The following LRRC56 variants were observed in gnomAD, a reference collection of about 807,000 sequenced individuals.
LRRC56 encodes the protein leucine-rich repeat-containing protein 56.
In LRRC56, 41 loss-of-function variants were observed where a neutral mutation model predicts 47.8. The ratio of observed to expected loss-of-function variants is 0.86; its 90% CI spans 0.67 to 1.11. The LOEUF (loss-of-function observed/expected upper bound fraction) is 1.11, where lower values mean the gene tolerates loss of function less well. LRRC56 is among the 50% of genes most tolerant of loss of function. The pLI, the probability that LRRC56 is intolerant of heterozygous loss-of-function variation, is 0.00. For synonymous variants in LRRC56, 387 were observed against 311.2 expected, an observed-to-expected ratio of 1.24 and a Z score of -2.56; for missense variants, 759 against 704.2, an observed-to-expected ratio of 1.08 and a Z score of -0.88.
chr11:507,921 A>C, the LRRC56 span, among the ~76,000 whole-genome samples: 7 of 151,878 alleles, frequency 4.6e-5, no homozygotes, highest in Non-Finnish European at 8.8e-5. Flanking sequence ...TCCTGCGTCC[A>C]CTCTGCTGCC....
chr11:511,031 G>A, the LRRC56 span, among the ~76,000 whole-genome samples: 13 of 151,930 alleles, frequency 8.6e-5, no homozygotes, highest in African/African-American at 3.1e-4. Context: ...CGTGAAATGG[G>A]AAAACACTGG....
intron 3 of LRRC56, among the ~76,000 whole-genome samples, chr11:539,963 C>T (rs1006679746): frequency 2.0e-5 from 3 of 152,200 alleles, no homozygotes; most frequent in East Asian, 3.9e-4. Context: ...TCTTCCTCCT[C>T]GCCAGCTGGG....
intron 5 of LRRC56, among the ~76,000 whole-genome samples, chr11:543,955 A>G (rs1232169586): frequency 6.6e-6 from 1 of 151,990 alleles, no homozygotes; most frequent in Non-Finnish European, 1.5e-5. Flanking sequence ...TCACCGTGTT[A>G]ACCAGGATGG....
At chr11:550,419 C>A in intron 8 of LRRC56, 147 bp downstream of exon 8, 1 of 782,172 alleles carries the variant, frequency 1.3e-6, no homozygotes, top group Non-Finnish European at 2.0e-6. Flanking sequence ...TCCTCTGTCA[C>A]TGGAAGTCTG....
At chr11:533,274 T>TA, upstream of LRRC56, 1 of 1,583,654 alleles carries the variant, frequency 6.3e-7, no homozygotes, top group Non-Finnish European at 8.5e-7. Flanking sequence ...CCGGGAGACT[T>TA]ACAGCGCGAG....
In LRRC56 at chr11:537,566, G is replaced by A. The variant is rs1057292437; in HGVS notation, c.-461G>A. ...CGCCTGGAGGTGGAGGGCGCCCAGG[G>A]CCGAGCTGCCAGGGCCGGACACCTA... On this transcript the variant is annotated 5_prime_UTR_variant, in exon 1 of 14. Transcript: ENST00000270115. 1 of 152,344 alleles carries A rather than the reference G, an allele frequency of 6.6e-6. No individual in the cohort carries two copies. Among genetic ancestry groups the A allele is most frequent in the African/African-American group, 2.4e-5 (1 of 41,476 alleles). The allele number at this position is 152,344 out of a possible 1,614,324, so 9.4% of individuals were successfully genotyped here.
chr11:535,205 G>T (rs1198945750), upstream of LRRC56: 2 of 150,742 alleles, frequency 1.3e-5, no homozygotes, highest in African/African-American at 4.9e-5. Context: ...ATTCCCGCAG[G>T]CCCCAGGGAG....
At chr11:547,057 CAA>C (rs1191324995) in intron 6 of LRRC56, among the ~76,000 whole-genome samples, 2 of 142,154 alleles carry the variant, frequency 1.4e-5, no homozygotes, top group Admixed American at 7.0e-5. Flanking sequence ...AACTCCATCT[CAA>C]AAAAAAAAAA....
intron 13 of LRRC56, among the ~76,000 whole-genome samples, 192 bp from the exon 14 acceptor site, chr11:553,771 G>A (rs1852577595): frequency 6.6e-6 from 1 of 152,164 alleles, no homozygotes; most frequent in Non-Finnish European, 1.5e-5. Flanking sequence ...CCAGAGGTGG[G>A]CCCGCCCATG....
At chr11:540,912 A>G (rs1851764618) in intron 4 of LRRC56, 51 bp downstream of exon 4, 2 of 1,398,818 alleles carry the variant, frequency 1.4e-6, no homozygotes, top group South Asian at 2.7e-5. Flanking sequence ...GTGGGGTGAC[A>G]TCCCAGGGCT....
rs1852664494 is a variant in LRRC56, at chr11:554,671, A to G, written c.*395A>G. On this transcript the variant is annotated 3_prime_UTR_variant, in exon 14 of 14. Coordinates refer to ENST00000270115, the MANE Select transcript of LRRC56 (RefSeq NM_198075.4). ...CCACTCCCTTGCCGGCCCCAGGGTA[A>G]GAGCCACCTCCTAGGCCGCAGTGGC... 4.9e-6 allele frequency: 2 copies of G among 407,944 alleles called. No individual in the cohort carries two copies. The highest frequency in any genetic ancestry group is 7.8e-5 in the South Asian group (2 of 25,718). 25.3% of individuals were successfully genotyped at this position (407,944 alleles called of 1,614,324 possible).
chr11:519,067 C>T, the LRRC56 span, among the ~76,000 whole-genome samples: 1 of 152,204 alleles, frequency 6.6e-6, no homozygotes, highest in Non-Finnish European at 1.5e-5. Context: ...GCTGTGCAAA[C>T]CGGTCCTTCC....
chr11:554,363 G>A lies in LRRC56; in HGVS notation c.*87G>A, dbSNP rs1852638429. On this transcript the variant is annotated 3_prime_UTR_variant, in exon 14 of 14. Transcript: ENST00000270115. ...CAGAGCACAGAATACCTGGGCGGGTGTGTTGGGGGGTGGAAGGAGTGCCTG... is the reference window on the plus strand; with the variant it reads ...CAGAGCACAGAATACCTGGGCGGGTATGTTGGGGGGTGGAAGGAGTGCCTG... 2 of 1,208,990 alleles carry A rather than the reference G, an allele frequency of 1.7e-6. No homozygotes were observed. Among genetic ancestry groups the A allele is most frequent in the South Asian group, 2.0e-5 (1 of 51,018 alleles). The allele number at this position is 1,208,990 out of a possible 1,614,324, so 74.9% of individuals were successfully genotyped here.
rs986023895 is a variant in LRRC56 at position 554,488 on chromosome 11, G to A, written c.*212G>A. ...CCAGTTTAGGCCCCCAACTGGGTTT[G>A]GCCTGGGGAGGGAGGGTCCGGCTCC... On this transcript the variant is annotated 3_prime_UTR_variant, in exon 14 of 14. Transcript: ENST00000270115. 2.2e-5 allele frequency: 10 copies of A among 451,440 alleles called. No homozygotes were observed. In the Admixed American group the frequency reaches 3.1e-4, roughly 14 times the overall value. The allele number at this position is 451,440 out of a possible 1,614,324, so 28.0% of individuals were successfully genotyped here. A position where few individuals can be genotyped will look rare whatever the true frequency, so the allele number is the denominator to read the frequency against.
At chr11:518,966 G>C in the LRRC56 span, among the ~76,000 whole-genome samples, 9 of 151,870 alleles carry the variant, frequency 5.9e-5, no homozygotes, top group African/African-American at 1.7e-4. Flanking sequence ...GGGAACTTGC[G>C]GCCCCAAGAC....
chr11:507,474 C>A, the LRRC56 span, among the ~76,000 whole-genome samples: 2 of 149,498 alleles, frequency 1.3e-5, no homozygotes, highest in Non-Finnish European at 3.0e-5. Flanking sequence ...GTGCCGGGGG[C>A]GGGGTCTGGC....
intron 8 of LRRC56, 72 bp from the exon 9 acceptor site, chr11:551,059 A>C (rs1247865292): frequency 4.4e-6 from 4 of 904,596 alleles, no homozygotes; most frequent in Non-Finnish European, 6.4e-6. Context: ...AAAGGGAGCC[A>C]GGGAAAGAGC....
chr11:545,282 A>C (rs541438294), intron 6 of LRRC56, among the ~76,000 whole-genome samples: 2 of 152,312 alleles, frequency 1.3e-5, no homozygotes, highest in East Asian at 3.9e-4. Flanking sequence ...CAGAGCTCCC[A>C]CCTTGAGGTG....
At chr11:532,289 G>A in the LRRC56 span, 2 of 471,714 alleles carry the variant, frequency 4.2e-6, no homozygotes, top group East Asian at 3.7e-5. Context: ...GCCCGACAAG[G>A]GCCCACAGAG....
Sources: allele counts gnomAD v4.1 joint callset (sites outside exome capture counted in the v4.1 genomes callset), GRCh38; gene constraint gnomAD v4.1.1; transcripts MANE v1.5; gene names NCBI Gene and HGNC (gene_info 2026-07-23, HGNC 2026-07-21).